FUT9: variants seen among roughly 807,000 people sequenced by gnomAD.
FUT9 encodes fucosyltransferase 9.
Under a neutral mutation model 29.7 loss-of-function variants are expected in FUT9, and 15 were observed. The ratio of observed to expected loss-of-function variants is 0.51; its 90% confidence interval spans 0.34 to 0.78. FUT9 has a LOEUF of 0.78. FUT9 is among the 30% of genes least tolerant of loss of function. The pLI, the probability that FUT9 is intolerant of heterozygous loss-of-function variation, is 0.01. For synonymous variants in FUT9, 169 were observed against 153.7 expected, an observed-to-expected ratio of 1.10 and a Z score of -0.74; for missense variants, 319 against 425.4, an observed-to-expected ratio of 0.75 and a Z score of 2.20.
intron 1 of FUT9, among the ~76,000 whole-genome samples, chr6:96,088,556 G>A (rs982016141): frequency 6.6e-6 from 1 of 151,444 alleles, no homozygotes; most frequent in African/African-American, 2.4e-5. Context: ...GTGTGTGTGT[G>A]TGTGTGTGTG....
chr6:96,195,400 A>G (rs1331017723), intron 2 of FUT9, among the ~76,000 whole-genome samples: 1 of 152,192 alleles, frequency 6.6e-6, no homozygotes. Flanking sequence ...CAGGGATTAT[A>G]TATAAGGATC....
chr6:96,111,538 GAAACACACAC>G (rs1771806054), intron 1 of FUT9, among the ~76,000 whole-genome samples: 2 of 92,942 alleles, frequency 2.2e-5, no homozygotes, highest in South Asian at 9.3e-4. Flanking sequence ...CATGATTTGG[GAAACACACAC>G]ACACACACAC....
chr6:96,213,759 T>C lies in FUT9; in HGVS notation c.*9524T>C, dbSNP rs974283377. The C allele has an allele frequency of 5.4e-5, 9 of 166,904 alleles. No individual in the cohort carries two copies. Among genetic ancestry groups the C allele is most frequent in the Non-Finnish European group, 1.2e-4 (8 of 68,010 alleles). The allele number at this position is 166,904 out of a possible 1,614,324, so 10.3% of individuals were successfully genotyped here. On this transcript the variant is annotated 3_prime_UTR_variant, in exon 3 of 3. Transcript: ENST00000302103. ...TACTTATTTTTTTGTAGAGTATTTT[T>C]CCACACTTGAAAAAAACATGATTAT... is the stretch of plus-strand genomic sequence containing the variant.
At chr6:96,143,806 T>C (rs1051397954) in intron 2 of FUT9, among the ~76,000 whole-genome samples, 1 of 152,160 alleles carries the variant, frequency 6.6e-6, no homozygotes, top group Non-Finnish European at 1.5e-5. Context: ...GAATGTACTA[T>C]CTTGAAAGAA....
chr6:96,096,866 G>A (rs1771504211), intron 1 of FUT9, among the ~76,000 whole-genome samples: 1 of 151,886 alleles, frequency 6.6e-6, no homozygotes, highest in African/African-American at 2.4e-5. Context: ...TTCGTTTCTT[G>A]TTTTTTCAAC....
chr6:96,047,357 G>T (rs1770582129), intron 1 of FUT9, among the ~76,000 whole-genome samples: 1 of 152,046 alleles, frequency 6.6e-6, no homozygotes, highest in Non-Finnish European at 1.5e-5. Context: ...CTGCTTCTAG[G>T]TATACATTTA....
intron 1 of FUT9, among the ~76,000 whole-genome samples, chr6:96,060,301 C>A (rs537838405): frequency 4.1e-4 from 63 of 152,196 alleles, no homozygotes; most frequent in African/African-American, 1.5e-3. Flanking sequence ...AAATTCATTT[C>A]GAGTACCAAA....
chr6:96,147,950 C>T (rs969575001), intron 2 of FUT9, among the ~76,000 whole-genome samples: 1 of 150,980 alleles, frequency 6.6e-6, no homozygotes, highest in Non-Finnish European at 1.5e-5. Flanking sequence ...GTAAAAGAAC[C>T]ACCGAACATG....
intron 1 of FUT9, among the ~76,000 whole-genome samples, chr6:96,022,795 G>A (rs1417408632): frequency 6.6e-6 from 1 of 151,858 alleles, no homozygotes; most frequent in Non-Finnish European, 1.5e-5. Context: ...AAGGTCTTCA[G>A]GATCAGGAGT....
chr6:96,033,226 C>A (rs1392127818), intron 1 of FUT9, among the ~76,000 whole-genome samples: 3 of 151,614 alleles, frequency 2.0e-5, no homozygotes, highest in Non-Finnish European at 3.0e-5. Context: ...CACTGCCAAG[C>A]TTTGTTCTAA....
intron 2 of FUT9, among the ~76,000 whole-genome samples, chr6:96,143,462 C>CTTCA (rs1772503490): frequency 6.6e-6 from 1 of 152,062 alleles, no homozygotes; most frequent in Non-Finnish European, 1.5e-5. Context: ...TGGTTCCTTC[C>CTTCA]TTCATTCATT....
intron 2 of FUT9, among the ~76,000 whole-genome samples, chr6:96,185,940 A>G (rs1285584281): frequency 2.6e-5 from 4 of 152,090 alleles, no homozygotes; most frequent in Non-Finnish European, 5.9e-5. Context: ...ATTTCCCGAT[A>G]TAAGAAAAAT....
intron 1 of FUT9, among the ~76,000 whole-genome samples, chr6:96,098,706 T>C (rs1444680301): frequency 6.6e-6 from 1 of 152,144 alleles, no homozygotes; most frequent in East Asian, 1.9e-4. Flanking sequence ...AGTTTTACAG[T>C]GAGCCATTAA....
At chr6:96,103,680 G>A (rs1434631803) in intron 1 of FUT9, among the ~76,000 whole-genome samples, 1 of 152,110 alleles carries the variant, frequency 6.6e-6, no homozygotes, top group Non-Finnish European at 1.5e-5. Flanking sequence ...GAGTCTGTGT[G>A]TCTCCAAAGC....
At chr6:96,092,826 C>A (rs551047102) in intron 1 of FUT9, among the ~76,000 whole-genome samples, 4 of 152,156 alleles carry the variant, frequency 2.6e-5, no homozygotes, top group Admixed American at 6.6e-5. Flanking sequence ...GACTGGAATG[C>A]AGTGGCACAA....
chr6:96,086,678 T>TA (rs1222204707), intron 1 of FUT9, among the ~76,000 whole-genome samples: 1 of 152,216 alleles, frequency 6.6e-6, no homozygotes, highest in Non-Finnish European at 1.5e-5. Flanking sequence ...AACCCAAGTT[T>TA]ATTTTTTTCT....
chr6:96,100,247 A>G (rs12208059), intron 1 of FUT9, among the ~76,000 whole-genome samples: 1 of 7,548 alleles, frequency 1.3e-4, no homozygotes, highest in Non-Finnish European at 1.5e-3. Flanking sequence ...ACACACACAC[A>G]CACACACACA....
chr6:96,041,130 C>T (rs548788555), intron 1 of FUT9, among the ~76,000 whole-genome samples: 4 of 151,710 alleles, frequency 2.6e-5, no homozygotes, highest in East Asian at 1.9e-4. Context: ...TTGCAAAACA[C>T]GACTTTGTAC....
chr6:96,182,677 A>G (rs536004474), intron 2 of FUT9, among the ~76,000 whole-genome samples: 2 of 151,856 alleles, frequency 1.3e-5, no homozygotes, highest in African/African-American at 4.8e-5. Flanking sequence ...TTATCCCAGC[A>G]CCATTTGTGG....
Sources: allele counts gnomAD v4.1 joint callset (sites outside exome capture counted in the v4.1 genomes callset), GRCh38; gene constraint gnomAD v4.1.1; transcripts MANE v1.5; gene names NCBI Gene and HGNC (gene_info 2026-07-23, HGNC 2026-07-21).